Variants in NAALADL2 observed in about 807,000 individuals in gnomAD.
NAALADL2 encodes the protein inactive N-acetylated-alpha-linked acidic dipeptidase-like protein 2.
A neutral mutation model predicts 87.2 loss-of-function variants in NAALADL2; 76 were observed. The ratio of observed to expected loss-of-function variants is 0.87; its 90% CI spans 0.72 to 1.05. NAALADL2 has a LOEUF of 1.05. Among genes scored for constraint, NAALADL2 ranks in the 50% least tolerant of loss-of-function variants. NAALADL2 has a pLI of 0.00. For synonymous variants in NAALADL2, 354 were observed against 331.0 expected (o/e 1.07, Z -0.75); for missense variants, 1,089 against 945.8 (o/e 1.15, Z -1.99).
At chr3:175,353,899 G>A (rs116420675) in intron 5 of NAALADL2, among the ~76,000 whole-genome samples, 28 of 152,128 alleles carry the variant, frequency 1.8e-4, no homozygotes, top group Admixed American at 1.8e-3. Flanking sequence ...GAATTTAGTG[G>A]AATTCTGTCA....
At chr3:174,820,165 C>T (rs1020009203) in intron 3 of NAALADL2, among the ~76,000 whole-genome samples, 2 of 152,126 alleles carry the variant, frequency 1.3e-5, no homozygotes, top group African/African-American at 4.8e-5. Flanking sequence ...TGCCACAATA[C>T]ATAGATGTGA....
At chr3:175,572,081 C>T (rs930024418) in intron 9 of NAALADL2, among the ~76,000 whole-genome samples, 1 of 151,994 alleles carries the variant, frequency 6.6e-6, no homozygotes, top group Non-Finnish European at 1.5e-5. Context: ...TCTGCAAGGC[C>T]AACAGAGAAA....
chr3:174,644,079 T>G (rs2108739381), intron 2 of NAALADL2, among the ~76,000 whole-genome samples: 1 of 152,346 alleles, frequency 6.6e-6, no homozygotes, highest in South Asian at 2.1e-4. Context: ...TTTAATAAGA[T>G]TAGCCTTTTA....
intron 1 of NAALADL2, among the ~76,000 whole-genome samples, chr3:175,001,424 A>T (rs2108762771): frequency 6.6e-6 from 1 of 152,276 alleles, no homozygotes; most frequent in South Asian, 2.1e-4. Context: ...TTCAGATTTA[A>T]GGAGCTCTAT....
chr3:174,892,618 A>G (rs1016230848), intron 1 of NAALADL2, among the ~76,000 whole-genome samples: 4 of 152,260 alleles, frequency 2.6e-5, no homozygotes, highest in African/African-American at 9.6e-5. Flanking sequence ...AAAAATATCA[A>G]TATCCAATTA....
intron 2 of NAALADL2, among the ~76,000 whole-genome samples, chr3:175,222,829 C>T: frequency 6.6e-6 from 1 of 151,794 alleles, no homozygotes. Context: ...AAATATTTTT[C>T]AAAGAAAAAA....
At chr3:174,699,655 T>C (rs1729367463) in intron 2 of NAALADL2, among the ~76,000 whole-genome samples, 1 of 152,184 alleles carries the variant, frequency 6.6e-6, no homozygotes, top group Non-Finnish European at 1.5e-5. Context: ...TATATTTATG[T>C]AAACATAGTT....
chr3:174,640,342 C>T (rs1411458586), intron 2 of NAALADL2, among the ~76,000 whole-genome samples: 1 of 152,158 alleles, frequency 6.6e-6, no homozygotes, highest in Admixed American at 6.5e-5. Flanking sequence ...CCCTTAAAGG[C>T]TGTGTGATCC....
intron 2 of NAALADL2, among the ~76,000 whole-genome samples, chr3:174,712,380 CT>C (rs1169827021): frequency 0.01 from 735 of 70,380 alleles, 1 homozygote; most frequent in African/African-American, 0.04. Context: ...TTCTCCTCTT[CT>C]TTTTTTTTTT....
chr3:174,894,722 G>T (rs1253763049), intron 1 of NAALADL2, among the ~76,000 whole-genome samples: 1 of 141,984 alleles, frequency 7.0e-6, no homozygotes, highest in Non-Finnish European at 1.5e-5. Flanking sequence ...TTTCATCCAA[G>T]AACTGCAGAA....
chr3:175,156,011 G>C (rs977110521), intron 2 of NAALADL2, among the ~76,000 whole-genome samples: 4 of 152,152 alleles, frequency 2.6e-5, no homozygotes, highest in Admixed American at 6.6e-5. Context: ...GGAAACAGTA[G>C]AATATATTCT....
rs930834860 is a variant in NAALADL2 at position 175,803,131 on chromosome 3, C to A, written c.2316C>A (p.Ser772Arg). ...LQEALSEVLNSINSAQVYFKA... is the reference protein window; with the variant it reads ...LQEALSEVLNRINSAQVYFKA... ...AAGCCCTGTCAGAGGTGTTGAACAG[C>A]ATTAATTCAGCTCAGGTTTACTTCA... The change falls in exon 14 of 14, where the codon AGC becomes AGA. Residue 772 changes from serine to arginine, a missense_variant. Ser to Arg is a moderately radical substitution (Grantham distance 110, BLOSUM62 -1). Coordinates refer to ENST00000454872, the MANE Select transcript of NAALADL2 (RefSeq NM_207015.3). 17 of 1,612,292 alleles carry A rather than the reference C, an allele frequency of 1.1e-5. No homozygotes were observed. Among genetic ancestry groups the A allele is most frequent in the Non-Finnish European group, 1.4e-5 (17 of 1,178,944 alleles).
chr3:174,956,362 T>C (rs540222004), intron 1 of NAALADL2, among the ~76,000 whole-genome samples: 1 of 152,230 alleles, frequency 6.6e-6, no homozygotes, highest in African/African-American at 2.4e-5. Context: ...GATAAAGGAA[T>C]ATTGTCATTG....
At chr3:174,882,798 CGTGTGTATATGTGCATATGTGTATATAT>C (rs1729544346) in intron 1 of NAALADL2, among the ~76,000 whole-genome samples, 1 of 102,172 alleles carries the variant, frequency 9.8e-6, no homozygotes, top group African/African-American at 4.8e-5. Flanking sequence ...TATATATACA[CGTGTGTATATGTGCATATGTGTATATAT>C]ACACGTGTGT....
upstream of NAALADL2, among the ~76,000 whole-genome samples, chr3:174,855,974 GTGTGTGTATATA>G (rs1192898179): frequency 1.1e-5 from 1 of 88,732 alleles, no homozygotes; most frequent in African/African-American, 5.6e-5. Context: ...ATGTGTGTGT[GTGTGTGTATATA>G]TATATATATA....
At chr3:175,401,050 G>A (rs1019211152) in intron 5 of NAALADL2, among the ~76,000 whole-genome samples, 1 of 152,120 alleles carries the variant, frequency 6.6e-6, no homozygotes, top group African/African-American at 2.4e-5. Flanking sequence ...CTCAGCTCTT[G>A]AATCTTCTTT....
At chr3:175,292,521 C>T (rs977458284) in intron 4 of NAALADL2, among the ~76,000 whole-genome samples, 8 of 151,564 alleles carry the variant, frequency 5.3e-5, no homozygotes, top group African/African-American at 1.9e-4. Context: ...ATATTTCCAC[C>T]TATTGTCACT....
chr3:174,661,845 G>A (rs1157168452), intron 2 of NAALADL2, among the ~76,000 whole-genome samples: 3 of 151,794 alleles, frequency 2.0e-5, no homozygotes, highest in Admixed American at 6.6e-5. Context: ...ACACACACAC[G>A]AGCTGTAAAA....
intron 1 of NAALADL2, among the ~76,000 whole-genome samples, chr3:174,872,733 T>TACACAC (rs140990241): frequency 0.13 from 19,529 of 148,452 alleles, 1,321 homozygotes; most frequent in African/African-American, 0.16. Context: ...CACACACACA[T>TACACAC]ACACACACAC....
Sources: gnomAD v4.1 joint callset for allele counts (sites outside exome capture counted in the v4.1 genomes callset) on GRCh38, gnomAD v4.1.1 for gene constraint, MANE v1.5 for transcripts, NCBI Gene and HGNC (gene_info 2026-07-23, HGNC 2026-07-21) for gene names.